CEP41: variants seen among roughly 807,000 people sequenced by gnomAD.
CEP41 encodes the protein centrosomal protein 41.
Under a neutral mutation model 44.3 loss-of-function variants are expected in CEP41, and 32 were observed. The observed-to-expected ratio is 0.72, with a 90% CI of 0.54 to 0.97. CEP41 has a LOEUF of 0.97. Ranked by LOEUF, CEP41 falls within the 50% of genes least tolerant of loss-of-function variation. The probability of loss-of-function intolerance (pLI) is 0.00; values close to 1 mark genes in which losing one functional copy is unlikely to be tolerated. For synonymous variants in CEP41, 151 were observed against 168.5 expected (o/e 0.90, Z 0.80); for missense variants, 432 against 455.2 (o/e 0.95, Z 0.46).
intron 3 of CEP41, 27 bp downstream of exon 3, chr7:130,416,882 ACTTCCACTCT>A (rs1797353207): frequency 6.8e-7 from 1 of 1,470,470 alleles, no homozygotes; most frequent in Non-Finnish European, 9.5e-7. Context: ...ACAACTATAG[ACTTCCACTCT>A]CCCAAACCAT....
chr7:130,423,288 C>T (rs1797563918), intron 2 of CEP41, among the ~76,000 whole-genome samples: 1 of 152,136 alleles, frequency 6.6e-6, no homozygotes, highest in Admixed American at 6.5e-5. Flanking sequence ...AGAAAAATAA[C>T]CCAACATAAA....
At chr7:130,405,096 A>G (rs1222732715) in intron 5 of CEP41, among the ~76,000 whole-genome samples, 1 of 152,224 alleles carries the variant, frequency 6.6e-6, no homozygotes, top group African/African-American at 2.4e-5. Flanking sequence ...TGGCAGTCAC[A>G]CTACAAGAAG....
rs910114428 is a variant in CEP41, at chr7:130,421,496, G to A, written c.98-4530C>T. The A allele has an allele frequency of 5.0e-5, 49 of 983,382 alleles. 1 individual carries two copies. In the East Asian group the frequency reaches 1.4e-3, roughly 27 times the overall value. The allele number at this position is 983,382 out of a possible 1,614,324, so 60.9% of individuals were successfully genotyped here. The stretch of plus-strand genomic sequence containing the variant: ...TTTCACATATATTTCTTCCTTTGAC[G>A]GAAGAAACAGAATTAAACAACAAAT... On this transcript the variant is annotated intron_variant, in intron 2 of 10. Transcript: ENST00000223208.
intron 2 of CEP41, chr7:130,417,344 A>T: frequency 9.2e-7 from 1 of 1,085,800 alleles, no homozygotes; most frequent in Middle Eastern, 4.4e-4. Flanking sequence ...GAAGAGGAGC[A>T]AAAAGGAGGC....
rs1554414597 is a variant in CEP41, at chr7:130,396,515, A to C, written c.*2376T>G. The stretch of plus-strand genomic sequence containing the variant: ...GAGAGAAGTTGGCAGTTTTCAGCAT[A>C]TTAATAGCAAACGACAAATTAGTAA... On this transcript the variant is annotated 3_prime_UTR_variant, in exon 11 of 11. Transcript: ENST00000223208. 1 of 454,590 alleles carries C rather than the reference A, an allele frequency of 2.2e-6. No homozygotes were observed. Among genetic ancestry groups the C allele is most frequent in the Admixed American group, 2.3e-5 (1 of 42,586 alleles). 28.2% of individuals were successfully genotyped at this position (454,590 alleles called of 1,614,324 possible). A position where few individuals can be genotyped will look rare whatever the true frequency, so the allele number is the denominator to read the frequency against.
At position 130,398,852 on chromosome 7, in the gene CEP41, A is replaced by T; in HGVS notation, c.*39T>A. The T allele has an allele frequency of 6.2e-7, 1 of 1,612,540 alleles. No homozygotes were observed. The highest frequency in any genetic ancestry group is 8.5e-7 in the Non-Finnish European group (1 of 1,178,574). On this transcript the variant is annotated 3_prime_UTR_variant, in exon 11 of 11. Transcript: ENST00000223208. ...TGGGAAATGCTCAGGGGTTCTGAAAAGAGGAAGAACATTTATTTGCCTAAG... is the reference window on the plus strand; with the variant it reads ...TGGGAAATGCTCAGGGGTTCTGAAATGAGGAAGAACATTTATTTGCCTAAG...
At chr7:130,436,402 G>T (rs1200538578) in intron 1 of CEP41, among the ~76,000 whole-genome samples, 2 of 152,186 alleles carry the variant, frequency 1.3e-5, no homozygotes, top group Non-Finnish European at 2.9e-5. Context: ...TGAGAGGGAA[G>T]AAAGTAGGTG....
Position 130,428,428 on chromosome 7 carries a change from CA to C in CEP41, c.34-411del, listed in dbSNP as rs67847969. 9.5e-3 allele frequency among the ~76,000 whole-genome samples: 363 copies of C among 38,060 alleles called. No individual in the cohort carries two copies. The East Asian group carries it at 0.14, about 14-fold the overall frequency. The allele number at this position is 38,060 out of a possible 152,430, so 25.0% of individuals were successfully genotyped here. A position where few individuals can be genotyped will look rare whatever the true frequency, so the allele number is the denominator to read the frequency against. Reference sequence around the variant, plus strand: ...TGGGTGACAGAGAGAGACTCTGACTCAAAAAAAAAAAAAAAAAAAAAAAAAG... The same window carrying C: ...TGGGTGACAGAGAGAGACTCTGACTCAAAAAAAAAAAAAAAAAAAAAAAAG... On this transcript the variant is annotated intron_variant, in intron 1 of 10. Coordinates refer to ENST00000223208, the MANE Select transcript of CEP41 (RefSeq NM_018718.3).
At chr7:130,436,697 G>C (rs1162077413) in intron 1 of CEP41, among the ~76,000 whole-genome samples, 2 of 149,296 alleles carry the variant, frequency 1.3e-5, no homozygotes, top group Admixed American at 1.3e-4. Flanking sequence ...GAAATAAAAC[G>C]TTTTTTAAAA....
chr7:130,402,807 T>C lies in CEP41; in HGVS notation c.423-8A>G, dbSNP rs1796893817. 8.7e-6 allele frequency: 14 copies of C among 1,613,874 alleles called. No homozygotes were observed. The highest frequency in any genetic ancestry group is 1.1e-5 in the Non-Finnish European group (13 of 1,179,962). Reference sequence around the variant, plus strand: ...CCAACACCACTGATGACACTGCAAGTGAAAAAGTAGGTCAGCAGAAACTAG... The same window carrying C: ...CCAACACCACTGATGACACTGCAAGCGAAAAAGTAGGTCAGCAGAAACTAG... On this transcript the variant is annotated splice_region_variant and splice_polypyrimidine_tract_variant and intron_variant, in intron 6 of 10. Transcript: ENST00000223208.
intron 4 of CEP41, 165 bp downstream of exon 4, chr7:130,412,014 T>C: frequency 1.5e-6 from 1 of 662,180 alleles, no homozygotes; most frequent in Non-Finnish European, 2.8e-6. Context: ...ACCATCTTCA[T>C]GTGAACACAC....
rs1796726590 is a variant in CEP41, at chr7:130,398,152, T to C, written c.*739A>G. ...CTTCAAGGGGCACAGGCCGGTGTGG[T>C]GGCCAGGGCTTTCCCATGAGAGGCC... On this transcript the variant is annotated 3_prime_UTR_variant, in exon 11 of 11. Transcript: ENST00000223208. 1 of 453,572 alleles carries C rather than the reference T, an allele frequency of 2.2e-6. No individual in the cohort carries two copies. The allele number at this position is 453,572 out of a possible 1,614,324, so 28.1% of individuals were successfully genotyped here.
At position 130,418,474 on chromosome 7, in the gene CEP41, T is replaced by C. The variant is rs1481408073; in HGVS notation, c.98-1508A>G. ...AAGAAGACGGCAAATCAGTATGCTG[T>C]TCAGCTTCCCAAGTCTCATTCTTAA... On this transcript the variant is annotated intron_variant, in intron 2 of 10. Coordinates refer to ENST00000223208, the MANE Select transcript of CEP41 (RefSeq NM_018718.3). 2.6e-5 allele frequency among the ~76,000 whole-genome samples: 4 copies of C among 152,196 alleles called. No individual in the cohort carries two copies. The East Asian group carries it at 7.7e-4, about 29-fold the overall frequency.
chr7:130,437,764 C>CAAAAAAAAAAAA (rs1171735164), intron 1 of CEP41, among the ~76,000 whole-genome samples: 9 of 32,290 alleles, frequency 2.8e-4, no homozygotes, highest in Non-Finnish European at 3.6e-4. Context: ...AAGACTGTCT[C>CAAAAAAAAAAAA]AAAAAAAAAA....
chr7:130,425,238 A>C (rs377521938), intron 2 of CEP41, among the ~76,000 whole-genome samples: 33 of 151,934 alleles, frequency 2.2e-4, no homozygotes, highest in African/African-American at 7.7e-4. Flanking sequence ...ACATGACAAA[A>C]CCCATCTCTA....
At chr7:130,430,740 T>C (rs1170512748) in intron 1 of CEP41, among the ~76,000 whole-genome samples, 1 of 151,946 alleles carries the variant, frequency 6.6e-6, no homozygotes, top group African/African-American at 2.4e-5. Context: ...TAAGGGATTT[T>C]TTTTCTGCAC....
chr7:130,426,818 T>C, intron 2 of CEP41: 1 of 333,826 alleles, frequency 3.0e-6, no homozygotes, highest in South Asian at 2.3e-5. Flanking sequence ...CCTCATCCTG[T>C]ATATAATCCT....
At chr7:130,422,136 G>T in intron 2 of CEP41, 1 of 1,074,746 alleles carries the variant, frequency 9.3e-7, no homozygotes, top group African/African-American at 1.6e-5. Flanking sequence ...TCTTTAACCA[G>T]GAGGAAGATA....
chr7:130,398,340 TG>T lies in CEP41; in HGVS notation c.*550del, dbSNP rs1554415748. 4.4e-6 allele frequency: 2 copies of T among 454,090 alleles called. No individual in the cohort carries two copies. Among genetic ancestry groups the T allele is most frequent in the Non-Finnish European group, 4.4e-6 (1 of 226,776 alleles). The allele number at this position is 454,090 out of a possible 1,614,324, so 28.1% of individuals were successfully genotyped here. Reference sequence around the variant, plus strand: ...ACTCAAAACAGGGCCTGCAATATGCTGGGCAGAGAGCTCCTTGCTGAGTGAG... The same window carrying T: ...ACTCAAAACAGGGCCTGCAATATGCTGGCAGAGAGCTCCTTGCTGAGTGAG... On this transcript the variant is annotated 3_prime_UTR_variant, in exon 11 of 11. Transcript: ENST00000223208.
Sources: allele counts gnomAD v4.1 joint callset (sites outside exome capture counted in the v4.1 genomes callset), GRCh38; gene constraint gnomAD v4.1.1; transcripts MANE v1.5; gene names NCBI Gene and HGNC (gene_info 2026-07-23, HGNC 2026-07-21).